Variants in XRN1 observed in about 807,000 individuals in gnomAD.
XRN1 encodes the protein 5'-3' exoribonuclease 1.
Under a neutral mutation model 222.3 loss-of-function variants are expected in XRN1, and 67 were observed. The observed-to-expected ratio is 0.30, with a 90% CI of 0.25 to 0.37. The LOEUF is 0.37. XRN1 is among the 10% of genes least tolerant of loss of function. The pLI, the probability that XRN1 is intolerant of heterozygous loss-of-function variation, is 1.00. For missense variants in XRN1, 1,707 were observed against 2,000.2 expected (o/e 0.85, Z 2.80); for synonymous variants, 643 against 652.4 (o/e 0.99, Z 0.22).
chr3:142,380,013 G>A (rs919669084), intron 23 of XRN1, 69 bp downstream of exon 23: 1 of 1,220,030 alleles, frequency 8.2e-7, no homozygotes, highest in Non-Finnish European at 1.1e-6. Flanking sequence ...CAAAGGAGGT[G>A]GCAAAAATAT....
intron 14 of XRN1, among the ~76,000 whole-genome samples, chr3:142,413,311 G>A (rs1352257816): frequency 6.6e-6 from 1 of 152,124 alleles, no homozygotes; most frequent in African/African-American, 2.4e-5. Flanking sequence ...AAAACAGACC[G>A]TAAAACGCAT....
intron 2 of XRN1, among the ~76,000 whole-genome samples, chr3:142,430,273 C>T (rs1008234239): frequency 3.3e-5 from 5 of 152,116 alleles, no homozygotes; most frequent in African/African-American, 1.2e-4. Flanking sequence ...CTGAATTACA[C>T]CCCTTTTTGT....
chr3:142,442,670 C>T (rs2070277984), intron 1 of XRN1, among the ~76,000 whole-genome samples: 1 of 152,186 alleles, frequency 6.6e-6, no homozygotes, highest in Admixed American at 6.5e-5. Context: ...TAGTTAGGGC[C>T]TGTAAAGTGT....
intron 21 of XRN1, 45 bp downstream of exon 21, chr3:142,384,467 GAATAGTGTATT>G (rs2067422480): frequency 1.5e-6 from 2 of 1,359,680 alleles, no homozygotes; most frequent in East Asian, 4.8e-5. Context: ...ATTATACAGT[GAATAGTGTATT>G]AATAGTGTAT....
chr3:142,317,208 T>A (rs1577206647), intron 39 of XRN1, among the ~76,000 whole-genome samples: 1 of 152,240 alleles, frequency 6.6e-6, no homozygotes, highest in African/African-American at 2.4e-5. Flanking sequence ...TTGGTGGCTC[T>A]TTTAGAGATG....
At chr3:142,326,106 GGATTGCC>G (rs1241710857) in intron 37 of XRN1, among the ~76,000 whole-genome samples, 2 of 151,250 alleles carry the variant, frequency 1.3e-5, no homozygotes, top group Non-Finnish European at 1.5e-5. Flanking sequence ...ACTTTGCTCT[GGATTGCC>G]GTAGCTATTC....
chr3:142,326,331 T>C (rs1014529394), intron 37 of XRN1, among the ~76,000 whole-genome samples: 3 of 152,038 alleles, frequency 2.0e-5, no homozygotes, highest in East Asian at 1.9e-4. Context: ...TCTTGCATCA[T>C]TGTTTTATAA....
intron 10 of XRN1, chr3:142,420,491 C>T (rs928515626): frequency 6.4e-6 from 1 of 155,122 alleles, no homozygotes; most frequent in African/African-American, 2.4e-5. Context: ...CGTGCCTCAG[C>T]CTCCCAAGTA....
intron 20 of XRN1, among the ~76,000 whole-genome samples, chr3:142,394,389 CA>C (rs1420740482): frequency 1.3e-5 from 2 of 152,260 alleles, no homozygotes; most frequent in Admixed American, 6.5e-5. Flanking sequence ...ACTCCAACTT[CA>C]AAAAGGATCC....
chr3:142,306,927 GTTAC>G lies in XRN1; in HGVS notation c.*4580_*4583del, dbSNP rs1196510539. ...GTATAAGATCTAATGAAAAATTCCAGTTACTTATAAAATAGTTGAGAAATCAATT... is the reference window on the plus strand; with the variant it reads ...GTATAAGATCTAATGAAAAATTCCAGTTATAAAATAGTTGAGAAATCAATT... On this transcript the variant is annotated 3_prime_UTR_variant, in exon 41 of 41. Transcript: ENST00000392981. The G allele has an allele frequency of 2.6e-5, 4 of 152,468 alleles. No individual in the cohort carries two copies. The highest frequency in any genetic ancestry group is 9.7e-5 in the African/African-American group (4 of 41,378). The allele number at this position is 152,468 out of a possible 1,614,324, so 9.4% of individuals were successfully genotyped here. A position where few individuals can be genotyped will look rare whatever the true frequency, so the allele number is the denominator to read the frequency against.
chr3:142,371,288 C>G lies in XRN1; in HGVS notation c.3019G>C (p.Glu1007Gln). The stretch of plus-strand genomic sequence containing the variant: ...ATGTCATCTTCATAGAACACATCCT[C>G]TTGGCTATTTTTGGCTATATAACTA... Reference protein sequence around the residue: ...LFSYIAKNSQEDVFYEDDIWP... With the variant: ...LFSYIAKNSQQDVFYEDDIWP... The change falls in exon 26 of 41, where the codon GAG (glutamate) becomes CAG (glutamine). Residue 1007 changes from glutamate to glutamine, a missense_variant. Coordinates refer to ENST00000392981, the MANE Select transcript of XRN1 (RefSeq NM_001282857.2). The G allele has an allele frequency of 6.2e-7, 1 of 1,613,440 alleles. No homozygotes were observed. Among genetic ancestry groups the G allele is most frequent in the African/African-American group, 1.3e-5 (1 of 75,044 alleles).
chr3:142,409,553 G>A (rs888642363), intron 15 of XRN1, among the ~76,000 whole-genome samples: 2 of 152,142 alleles, frequency 1.3e-5, no homozygotes, highest in African/African-American at 4.8e-5. Flanking sequence ...ATAACAGACT[G>A]TCTTGATTAA....
intron 2 of XRN1, among the ~76,000 whole-genome samples, chr3:142,432,015 T>C (rs1349793419): frequency 1.4e-5 from 1 of 72,296 alleles, no homozygotes; most frequent in Non-Finnish European, 2.4e-5. Flanking sequence ...TAAATATATA[T>C]TTTTTTAATA....
At chr3:142,414,318 A>C in intron 13 of XRN1, 27 bp from the exon 14 acceptor site, 1 of 1,506,458 alleles carries the variant, frequency 6.6e-7, no homozygotes, top group Non-Finnish European at 8.9e-7. Context: ...AGTTTTAAAC[A>C]AGTGGCATCT....
At chr3:142,372,723 G>C (rs2067024431) in intron 25 of XRN1, among the ~76,000 whole-genome samples, 1 of 152,214 alleles carries the variant, frequency 6.6e-6, no homozygotes, top group South Asian at 2.1e-4. Context: ...GTCTTGAAAA[G>C]TGGTCTGGGA....
chr3:142,321,664 T>C (rs117886065), intron 37 of XRN1, among the ~76,000 whole-genome samples: 28 of 152,358 alleles, frequency 1.8e-4, no homozygotes, highest in East Asian at 1.7e-3. Flanking sequence ...GTTTTCGGTG[T>C]ATAAGCACAT....
chr3:142,345,406 A>G (rs1324374845), intron 33 of XRN1, among the ~76,000 whole-genome samples: 1 of 152,220 alleles, frequency 6.6e-6, no homozygotes, highest in East Asian at 1.9e-4. Flanking sequence ...CTCAAAATGG[A>G]AAGAGACCTA....
At chr3:142,334,652 T>C (rs2065795938) in intron 34 of XRN1, among the ~76,000 whole-genome samples, 1 of 148,940 alleles carries the variant, frequency 6.7e-6, no homozygotes, top group Non-Finnish European at 1.5e-5. Context: ...TATGTATATA[T>C]ATAAGACCAT....
At chr3:142,319,213 T>C (rs552094977) in intron 37 of XRN1, among the ~76,000 whole-genome samples, 1 of 152,322 alleles carries the variant, frequency 6.6e-6, no homozygotes, top group Non-Finnish European at 1.5e-5. Flanking sequence ...AAATAAAGTC[T>C]TACTGGAACA....
Sources: allele counts gnomAD v4.1 joint callset (sites outside exome capture counted in the v4.1 genomes callset), GRCh38; gene constraint gnomAD v4.1.1; transcripts MANE v1.5; gene names NCBI Gene and HGNC (gene_info 2026-07-23, HGNC 2026-07-21).